The following ZNF248 variants were observed in gnomAD, a reference collection of about 807,000 sequenced individuals.
ZNF248 encodes the protein zinc finger protein 248, also known as KRAB protein domain.
Under a neutral mutation model 44.3 loss-of-function variants are expected in ZNF248, and 20 were observed. That is an observed-to-expected ratio of 0.45 (90% CI 0.32 to 0.66). The LOEUF is 0.66. Ranked by LOEUF, ZNF248 falls within the 30% of genes least tolerant of loss-of-function variation. The probability of loss-of-function intolerance (pLI) is 0.04; values close to 1 mark genes in which losing one functional copy is unlikely to be tolerated. For synonymous variants in ZNF248, 224 were observed against 229.0 expected (o/e 0.98, Z 0.20); for missense variants, 654 against 677.0 (o/e 0.97, Z 0.38).
intron 1 of ZNF248, chr10:37,856,801 T>C (rs2061373804): frequency 3.5e-6 from 3 of 847,976 alleles, no homozygotes; most frequent in Non-Finnish European, 4.3e-6. Flanking sequence ...GATCTTTTAA[T>C]GAGAAACTGT....
At chr10:37,813,758 A>T (rs891122484) in intron 6 of ZNF248, among the ~76,000 whole-genome samples, 3 of 152,168 alleles carry the variant, frequency 2.0e-5, no homozygotes, top group Non-Finnish European at 1.5e-5. Context: ...GTGCGTGTGC[A>T]TGTGTTTGTG....
chr10:37,782,023 T>C (rs2047377042), intron 6 of ZNF248, among the ~76,000 whole-genome samples: 3 of 152,224 alleles, frequency 2.0e-5, no homozygotes, highest in Admixed American at 6.5e-5. Flanking sequence ...ATTTTTATAA[T>C]AGATTTAGCA....
intron 6 of ZNF248, among the ~76,000 whole-genome samples, chr10:37,782,276 AC>A (rs1203415478): frequency 6.6e-6 from 1 of 152,132 alleles, no homozygotes; most frequent in Non-Finnish European, 1.5e-5. Flanking sequence ...GAGGAATTTT[AC>A]CCCAGGATGG....
intron 5 of ZNF248, among the ~76,000 whole-genome samples, chr10:37,833,880 T>C (rs1013165629): frequency 6.6e-6 from 1 of 152,094 alleles, no homozygotes; most frequent in African/African-American, 2.4e-5. Flanking sequence ...AAGGGAGTTG[T>C]TTTTTTAAAA....
In ZNF248 at chr10:37,831,452, C is replaced by G; in HGVS notation, c.*163G>C. 1 of 1,463,208 alleles carries G rather than the reference C, an allele frequency of 6.8e-7. No individual in the cohort carries two copies. The highest frequency in any genetic ancestry group is 2.4e-4 in the Middle Eastern group (1 of 4,178). 90.6% of individuals were successfully genotyped at this position (1,463,208 alleles called of 1,614,324 possible). On this transcript the variant is annotated 3_prime_UTR_variant, in exon 6 of 6. Coordinates refer to ENST00000395867, the MANE Select transcript of ZNF248 (RefSeq NM_021045.3). ...TTACTTAGATGAATAGAATTCCCCTCAGTACAAATTTTCTAATGAAAAGTT... is the reference window on the plus strand; with the variant it reads ...TTACTTAGATGAATAGAATTCCCCTGAGTACAAATTTTCTAATGAAAAGTT...
chr10:37,823,508 A>AG (rs1173321211), intron 6 of ZNF248, among the ~76,000 whole-genome samples: 4 of 152,060 alleles, frequency 2.6e-5, no homozygotes, highest in Non-Finnish European at 2.9e-5. Context: ...TGAAATAATG[A>AG]GGGGGGTCAA....
intron 6 of ZNF248, among the ~76,000 whole-genome samples, chr10:37,779,973 T>A (rs200936739): frequency 0.011 from 1,588 of 150,454 alleles, 28 homozygotes; most frequent in South Asian, 0.059. Flanking sequence ...GTGAAGGACC[T>A]CTTCAAGGAG....
intron 3 of ZNF248, among the ~76,000 whole-genome samples, chr10:37,850,309 T>C (rs1056066882): frequency 6.6e-6 from 1 of 152,176 alleles, no homozygotes; most frequent in African/African-American, 2.4e-5. Context: ...TAAAAAATGC[T>C]AACTTCAGGG....
the ZNF248 span, among the ~76,000 whole-genome samples, chr10:37,766,683 G>A: frequency 7.2e-5 from 11 of 152,190 alleles, no homozygotes; most frequent in African/African-American, 2.7e-4. Context: ...GAAAAACAGA[G>A]TAGAAAAACT....
downstream of ZNF248, among the ~76,000 whole-genome samples, chr10:37,824,743 G>A (rs562477949): frequency 4.5e-5 from 6 of 134,416 alleles, no homozygotes; most frequent in East Asian, 2.2e-4. Context: ...GTGGAGCGGC[G>A]CGATCTCGGC....
intron 5 of ZNF248, among the ~76,000 whole-genome samples, chr10:37,835,802 T>C (rs560549011): frequency 6.6e-6 from 1 of 152,322 alleles, no homozygotes; most frequent in South Asian, 2.1e-4. Flanking sequence ...CTCTTGAAGA[T>C]CTCATTCTGC....
rs1208729 is a variant in ZNF248 at position 37,830,145 on chromosome 10, C to T, written c.*1470G>A. The T allele has an allele frequency of 7.1e-6, 7 of 985,232 alleles. No homozygotes were observed. Among genetic ancestry groups the T allele is most frequent in the East Asian group, 2.3e-4 (2 of 8,820 alleles). The allele number at this position is 985,232 out of a possible 1,614,324, so 61.0% of individuals were successfully genotyped here. A position where few individuals can be genotyped will look rare whatever the true frequency, so the allele number is the denominator to read the frequency against. On this transcript the variant is annotated 3_prime_UTR_variant, in exon 6 of 6. Coordinates refer to ENST00000395867, the MANE Select transcript of ZNF248 (RefSeq NM_021045.3). Reference sequence around the variant, plus strand: ...TGAAAAATCAAGGATATCAAAAGGGCCTTTCATTACATACCGCCACTTTTT... The same window carrying T: ...TGAAAAATCAAGGATATCAAAAGGGTCTTTCATTACATACCGCCACTTTTT...
At chr10:37,854,516 A>G (rs1206575696) in intron 3 of ZNF248, among the ~76,000 whole-genome samples, 2 of 152,234 alleles carry the variant, frequency 1.3e-5, no homozygotes, top group Admixed American at 6.5e-5. Context: ...GATGCAAACT[A>G]TATGAAATAC....
chr10:37,813,288 A>T (rs926339205), intron 6 of ZNF248, among the ~76,000 whole-genome samples: 2 of 152,228 alleles, frequency 1.3e-5, no homozygotes, highest in South Asian at 4.1e-4. Flanking sequence ...TATGACATGG[A>T]CCCTTTTATA....
intron 6 of ZNF248, among the ~76,000 whole-genome samples, chr10:37,822,231 A>AT (rs2053588652): frequency 1.3e-5 from 2 of 152,222 alleles, no homozygotes; most frequent in Non-Finnish European, 2.9e-5. Flanking sequence ...GCGGTCTTAA[A>AT]TAACAGCCTT....
At chr10:37,817,014 G>T (rs991145720) in intron 6 of ZNF248, among the ~76,000 whole-genome samples, 35 of 152,106 alleles carry the variant, frequency 2.3e-4, no homozygotes, top group African/African-American at 8.0e-4. Context: ...CTGGGTGGAA[G>T]GGAGTCCGGG....
At chr10:37,854,381 A>G (rs1304236346) in intron 3 of ZNF248, among the ~76,000 whole-genome samples, 1 of 152,242 alleles carries the variant, frequency 6.6e-6, no homozygotes, top group Admixed American at 6.5e-5. Context: ...GGGGGAAAAA[A>G]GACCAGACAA....
intron 6 of ZNF248, among the ~76,000 whole-genome samples, chr10:37,812,728 G>A (rs1035218478): frequency 9.2e-5 from 14 of 151,798 alleles, no homozygotes; most frequent in Middle Eastern, 3.2e-3. Context: ...TCTCTAATTC[G>A]GCCTCTAGAT....
chr10:37,842,968 A>T (rs1284873346), intron 3 of ZNF248, among the ~76,000 whole-genome samples: 1 of 152,200 alleles, frequency 6.6e-6, no homozygotes, highest in Admixed American at 6.5e-5. Context: ...GCAAGGTTGT[A>T]AACAGCCTGG....
Sources: allele counts gnomAD v4.1 joint callset (sites outside exome capture counted in the v4.1 genomes callset), GRCh38; gene constraint gnomAD v4.1.1; transcripts MANE v1.5; gene names NCBI Gene and HGNC (gene_info 2026-07-23, HGNC 2026-07-21).